Variants in ZMIZ1 observed in about 807,000 individuals in gnomAD.
ZMIZ1 encodes zinc finger MIZ domain-containing protein 1.
ZMIZ1 carries 17 observed loss-of-function variants against 113.9 expected under a neutral mutation model. That is an observed-to-expected ratio of 0.15 (90% confidence interval 0.10 to 0.22). The LOEUF is 0.22. ZMIZ1 is among the 10% of genes least tolerant of loss of function. ZMIZ1 has a pLI of 1.00. For missense variants in ZMIZ1, 1,059 were observed against 1,477.8 expected (o/e 0.72, Z 4.65); for synonymous variants, 607 against 603.1 (o/e 1.01, Z -0.09).
At chr10:79,210,221 A>C (rs1840392299) in intron 6 of ZMIZ1, among the ~76,000 whole-genome samples, 1 of 151,824 alleles carries the variant, frequency 6.6e-6, no homozygotes, top group Admixed American at 6.6e-5. Flanking sequence ...AGTCTCCAGC[A>C]CATTGCCCCG....
chr10:79,189,247 C>G lies in ZMIZ1; in HGVS notation c.-49-12337C>G, dbSNP rs571945283. Among the ~76,000 whole-genome samples, 3 of 152,330 alleles carry G rather than the reference C, an allele frequency of 2.0e-5. No individual in the cohort carries two copies. In the South Asian group the frequency reaches 6.2e-4, roughly 32 times the overall value. ...CATGGGACCCCTGCCTCCCTCTCAG[C>G]TGCAACCACCCAGGACTTCTGAGGC... is the stretch of plus-strand genomic sequence containing the variant. On this transcript the variant is annotated intron_variant, in intron 4 of 24. Coordinates refer to ENST00000334512, the MANE Select transcript of ZMIZ1 (RefSeq NM_020338.4).
At chr10:79,262,065 T>C (rs1216148657) in intron 7 of ZMIZ1, among the ~76,000 whole-genome samples, 1 of 152,188 alleles carries the variant, frequency 6.6e-6, no homozygotes, top group East Asian at 1.9e-4. Context: ...AGCACATGCT[T>C]CTGCTGGCCC....
chr10:79,237,848 C>A (rs1849654744), intron 7 of ZMIZ1, among the ~76,000 whole-genome samples: 1 of 152,118 alleles, frequency 6.6e-6, no homozygotes, highest in South Asian at 2.1e-4. Flanking sequence ...GTGGTCTCAC[C>A]CTTGTTTTAC....
intron 3 of ZMIZ1, among the ~76,000 whole-genome samples, chr10:79,143,428 T>G (rs1366515205): frequency 6.6e-6 from 1 of 152,146 alleles, no homozygotes; most frequent in South Asian, 2.1e-4. Flanking sequence ...ACAGCAGAGT[T>G]GTGGGTCTTG....
At position 79,234,313 on chromosome 10, in the gene ZMIZ1, G is replaced by A. The variant is rs143295779; in HGVS notation, c.280+18039G>A. On this transcript the variant is annotated intron_variant, in intron 7 of 24. Coordinates refer to ENST00000334512, the MANE Select transcript of ZMIZ1 (RefSeq NM_020338.4). Reference sequence around the variant, plus strand: ...CTCCCCAGCAATGCCTCGTGCCCACGCCCTTCCCTGGGCCTCGGAAGCTCA... The same window carrying A: ...CTCCCCAGCAATGCCTCGTGCCCACACCCTTCCCTGGGCCTCGGAAGCTCA... 2.7e-3 allele frequency among the ~76,000 whole-genome samples: 416 copies of A among 152,248 alleles called. 5 individuals are homozygous for A. Among genetic ancestry groups the A allele is most frequent in the African/African-American group, 8.7e-3 (361 of 41,540 alleles).
At chr10:79,293,807 G>A (rs112963147) in intron 12 of ZMIZ1, 154 bp downstream of exon 12, 20 of 1,132,932 alleles carry the variant, frequency 1.8e-5, no homozygotes, top group African/African-American at 1.1e-4. Flanking sequence ...TCCTGGGTTT[G>A]AGACCTGGTT....
chr10:79,197,611 T>TACACACACACACAC (rs71482719), intron 4 of ZMIZ1, among the ~76,000 whole-genome samples: 95 of 90,074 alleles, frequency 1.1e-3, no homozygotes, highest in African/African-American at 2.9e-3. Context: ...CACACACACA[T>TACACACACACACAC]ACACACACAC....
chr10:79,142,925 A>T (rs1845335652), intron 3 of ZMIZ1, among the ~76,000 whole-genome samples: 1 of 152,064 alleles, frequency 6.6e-6, no homozygotes, highest in Non-Finnish European at 1.5e-5. Flanking sequence ...TGGATCCTTT[A>T]TCCTAAAAGA....
At chr10:79,284,533 CAG>C (rs1256344070) in intron 8 of ZMIZ1, among the ~76,000 whole-genome samples, 3 of 152,170 alleles carry the variant, frequency 2.0e-5, no homozygotes, top group Non-Finnish European at 4.4e-5. Context: ...CTGAAGTAAA[CAG>C]GGGTAGCTGT....
At chr10:79,277,392 A>T in intron 8 of ZMIZ1, 67 bp downstream of exon 8, 1 of 1,495,546 alleles carries the variant, frequency 6.7e-7, no homozygotes, top group Non-Finnish European at 8.9e-7. Flanking sequence ...ATCTCCTTGG[A>T]CATGTCCCTG....
chr10:79,201,736 G>T (rs955669277), intron 5 of ZMIZ1, 44 bp downstream of exon 5: 2 of 1,601,786 alleles, frequency 1.2e-6, no homozygotes, highest in African/African-American at 1.3e-5. Context: ...GGCAGATGGG[G>T]CGGGCTGCAG....
In ZMIZ1 at chr10:79,140,934, C is replaced by T. The variant is rs148216474; in HGVS notation, c.-131+1157C>T. On this transcript the variant is annotated intron_variant, in intron 3 of 24. Transcript: ENST00000334512. ...TGTAGCTGGGACTACAGGCATGCAC[C>T]GCCACGCCCAGCTGATTTTTAAATT... Among the ~76,000 whole-genome samples the T allele has an allele frequency of 1.9e-3, 296 of 152,158 alleles. 1 individual carries two copies. The highest frequency in any genetic ancestry group is 8.5e-3 in the East Asian group (44 of 5,176).
At chr10:79,268,602 G>T (rs769365017) in intron 7 of ZMIZ1, among the ~76,000 whole-genome samples, 2 of 152,232 alleles carry the variant, frequency 1.3e-5, no homozygotes, top group South Asian at 4.1e-4. Context: ...TGGGTGCCAG[G>T]GTTGTAGAAG....
chr10:79,258,039 G>C (rs10824733), intron 7 of ZMIZ1, among the ~76,000 whole-genome samples: 2 of 152,148 alleles, frequency 1.3e-5, no homozygotes, highest in Non-Finnish European at 2.9e-5. Context: ...AGAGCCCAGC[G>C]TGGGAGCCAG....
Position 79,290,896 on chromosome 10 carries a change from C to T in ZMIZ1, c.541-63C>T, listed in dbSNP as rs1038039872. 1.9e-6 allele frequency: 3 copies of T among 1,577,696 alleles called. No individual in the cohort carries two copies. The African/African-American group carries it at 4.0e-5, about 21-fold the overall frequency. ...TTCTCCCTTTCCCCTCTTCATTTAT[C>T]CCTCTTCCTCTCCACACTGCCTCGG... On this transcript the variant is annotated intron_variant, in intron 9 of 24. Transcript: ENST00000334512.
intron 22 of ZMIZ1, among the ~76,000 whole-genome samples, chr10:79,306,868 C>T (rs115539481): frequency 9.2e-5 from 14 of 152,292 alleles, no homozygotes; most frequent in African/African-American, 3.4e-4. Context: ...GCCACCTAGC[C>T]GAACTCCCAC....
intron 1 of ZMIZ1, among the ~76,000 whole-genome samples, chr10:79,100,066 C>T (rs547189125): frequency 1.3e-5 from 2 of 152,146 alleles, no homozygotes; most frequent in Non-Finnish European, 2.9e-5. Flanking sequence ...TTGTTGAATG[C>T]TAGGCCCTGG....
chr10:79,200,449 T>C (rs916987021), intron 4 of ZMIZ1, among the ~76,000 whole-genome samples: 10 of 152,208 alleles, frequency 6.6e-5, no homozygotes, highest in African/African-American at 2.4e-4. Flanking sequence ...CACTTAGCTC[T>C]GTCATCCAGA....
At chr10:79,137,835 G>A (rs1172631325) in intron 2 of ZMIZ1, among the ~76,000 whole-genome samples, 1 of 151,956 alleles carries the variant, frequency 6.6e-6, no homozygotes, top group Non-Finnish European at 1.5e-5. Context: ...CTGGGGGGGG[G>A]GTGCTCCTAG....
Sources: gnomAD v4.1 joint callset for allele counts (sites outside exome capture counted in the v4.1 genomes callset) on GRCh38, gnomAD v4.1.1 for gene constraint, MANE v1.5 for transcripts, NCBI Gene and HGNC (gene_info 2026-07-23, HGNC 2026-07-21) for gene names.